CYP2B6: variants seen among roughly 807,000 people sequenced by gnomAD.
CYP2B6 encodes the protein cytochrome P450 2B6.
Under a neutral mutation model 43.4 loss-of-function variants are expected in CYP2B6, and 35 were observed. That is an observed-to-expected ratio of 0.81 (90% CI 0.62 to 1.07). The LOEUF (loss-of-function observed/expected upper bound fraction) is 1.07. CYP2B6 is among the 50% of genes least tolerant of loss of function. CYP2B6 has a pLI of 0.00. For missense variants in CYP2B6, 624 were observed against 632.8 expected (o/e 0.99, Z 0.15); for synonymous variants, 239 against 239.2 (o/e 1.00, Z 0.01).
chr19:40,999,633 A>G (rs775311024), intron 1 of CYP2B6, among the ~76,000 whole-genome samples: 3 of 152,082 alleles, frequency 2.0e-5, no homozygotes, highest in Non-Finnish European at 4.4e-5. Context: ...CTTTGTGGCT[A>G]CCTTATTAGT....
At chr19:40,999,153 A>G (rs960562211) in intron 1 of CYP2B6, among the ~76,000 whole-genome samples, 1 of 151,700 alleles carries the variant, frequency 6.6e-6, no homozygotes, top group African/African-American at 2.4e-5. Context: ...TGTGGTTTTG[A>G]TTTGCATTTC....
At position 40,996,521 on chromosome 19, in the gene CYP2B6, G is replaced by C. The variant is rs187350221; in HGVS notation, c.171+5045G>C. Among the ~76,000 whole-genome samples, 67 of 152,272 alleles carry C rather than the reference G, an allele frequency of 4.4e-4. 1 individual carries two copies. Among genetic ancestry groups the C allele is most frequent in the African/African-American group, 1.6e-3 (65 of 41,526 alleles). On this transcript the variant is annotated intron_variant, in intron 1 of 8. Coordinates refer to ENST00000324071, the MANE Select transcript of CYP2B6 (RefSeq NM_000767.5). ...TAACTCCAGCTTCAAGTGTTCAAAT[G>C]ATCTACCAAGTGCCAGAAATATATC...
At chr19:41,008,857 G>T (rs1285283888) in intron 4 of CYP2B6, among the ~76,000 whole-genome samples, 1 of 152,050 alleles carries the variant, frequency 6.6e-6, no homozygotes, top group Non-Finnish European at 1.5e-5. Flanking sequence ...CACAGCAAGG[G>T]AGATGAGGAG....
chr19:40,993,080 C>T (rs1270709011), intron 1 of CYP2B6, among the ~76,000 whole-genome samples: 1 of 152,066 alleles, frequency 6.6e-6, no homozygotes, highest in Non-Finnish European at 1.5e-5. Context: ...GTATTAGAGT[C>T]CAATTGGTCA....
At chr19:41,006,367 T>G (rs1384211691) in intron 3 of CYP2B6, among the ~76,000 whole-genome samples, 8 of 148,590 alleles carry the variant, frequency 5.4e-5, no homozygotes, top group African/African-American at 1.5e-4. Context: ...TCTCCTTATG[T>G]TGCCCAGGCT....
chr19:40,998,006 G>A (rs1401874142), intron 1 of CYP2B6, among the ~76,000 whole-genome samples: 4 of 152,196 alleles, frequency 2.6e-5, no homozygotes, highest in Admixed American at 2.0e-4. Context: ...GGAGACTGAG[G>A]CAGGAGGATG....
At chr19:41,004,187 AGGGGGCGGGT>A in intron 2 of CYP2B6, 24 bp downstream of exon 2, 1 of 194,134 alleles carries the variant, frequency 5.2e-6, no homozygotes, top group Non-Finnish European at 1.1e-5. Context: ...AGGCACTGGG[AGGGGGCGGGT>A]GGGGGGTGCA....
At chr19:41,006,765 G>A (rs1269873998) in intron 3 of CYP2B6, 140 bp from the exon 4 acceptor site, 4 of 783,358 alleles carry the variant, frequency 5.1e-6, no homozygotes, top group Non-Finnish European at 8.6e-6. Flanking sequence ...CGCGTGACGT[G>A]CTGGTACATA....
Position 41,005,929 on chromosome 19 carries a change from G to A in CYP2B6, c.485-976G>A, listed in dbSNP as rs148510731. The stretch of plus-strand genomic sequence containing the variant: ...GACAAAGCTTAGGAAAAGGTCTGCA[G>A]AGGAATGAGAGAAGACAGGCAAGTG... On this transcript the variant is annotated intron_variant, in intron 3 of 8. Transcript: ENST00000324071. Among the ~76,000 whole-genome samples, 246 of 152,264 alleles carry A rather than the reference G, an allele frequency of 1.6e-3. 2 individuals are homozygous for A. The highest frequency in any genetic ancestry group is 5.6e-3 in the African/African-American group (231 of 41,522).
Position 41,018,378 on chromosome 19 carries a change from A to G in CYP2B6, c.*1551A>G, listed in dbSNP as rs1969403531. 1 of 152,192 alleles carries G rather than the reference A, an allele frequency of 6.6e-6. No individual in the cohort carries two copies. The highest frequency in any genetic ancestry group is 2.4e-5 in the African/African-American group (1 of 41,424). The allele number at this position is 152,192 out of a possible 1,614,324, so 9.4% of individuals were successfully genotyped here. On this transcript the variant is annotated 3_prime_UTR_variant, in exon 9 of 9. Coordinates refer to ENST00000324071, the MANE Select transcript of CYP2B6 (RefSeq NM_000767.5). ...CTGAGAATTAAATAAACATCTCTAA[A>G]GCCTGACCTCCCCACGTCAAGAGGT...
Position 41,004,250 on chromosome 19 carries a change from T to C in CYP2B6, c.335-47T>C, listed in dbSNP as rs534127590. 43 of 1,613,670 alleles carry C rather than the reference T, an allele frequency of 2.7e-5. 1 individual carries two copies. In the South Asian group the frequency reaches 4.6e-4, roughly 17 times the overall value. On this transcript the variant is annotated intron_variant, in intron 2 of 8. Coordinates refer to ENST00000324071, the MANE Select transcript of CYP2B6 (RefSeq NM_000767.5). The stretch of plus-strand genomic sequence containing the variant: ...TGGGAGGAAGAAGGACTCAGAGCCT[T>C]CTTCCAACTTCTTCTACAACCAACC...
chr19:41,007,115 A>G (rs1047509367), intron 4 of CYP2B6, 50 bp downstream of exon 4: 1 of 1,555,288 alleles, frequency 6.4e-7, no homozygotes, highest in African/African-American at 1.4e-5. Flanking sequence ...GTGAACACCC[A>G]GAACACACGA....
chr19:40,997,932 C>T (rs1169782415), intron 1 of CYP2B6, among the ~76,000 whole-genome samples: 1 of 151,926 alleles, frequency 6.6e-6, no homozygotes, highest in African/African-American at 2.4e-5. Flanking sequence ...AGACCTGGCT[C>T]TACAAAAAAG....
chr19:41,007,624 ATTT>A (rs10617307), intron 4 of CYP2B6: 4 of 147,016 alleles, frequency 2.7e-5, no homozygotes, highest in African/African-American at 7.5e-5. Context: ...CACCTGGCTA[ATTT>A]TTTTTTTTTT....
At chr19:40,996,516 C>T (rs538848815) in intron 1 of CYP2B6, among the ~76,000 whole-genome samples, 2 of 152,280 alleles carry the variant, frequency 1.3e-5, no homozygotes, top group East Asian at 3.9e-4. Flanking sequence ...TTCAAGTGTT[C>T]AAATGATCTA....
chr19:41,003,287 CTT>C (rs564106878), intron 1 of CYP2B6, among the ~76,000 whole-genome samples: 201 of 151,410 alleles, frequency 1.3e-3, no homozygotes, highest in African/African-American at 4.7e-3. Context: ...TATGCATACT[CTT>C]TTTTTTTCCT....
intron 6 of CYP2B6, 44 bp from the exon 7 acceptor site, chr19:41,012,254 A>G (rs1471371174): frequency 1.9e-6 from 3 of 1,600,294 alleles, no homozygotes; most frequent in Non-Finnish European, 1.7e-6. Flanking sequence ...CTGGCCTGAA[A>G]TGCCTCTTTA....
At chr19:41,005,507 T>C (rs60766920) in intron 3 of CYP2B6, among the ~76,000 whole-genome samples, 9,087 of 151,442 alleles carry the variant, frequency 0.06, 950 homozygotes, top group African/African-American at 0.21. Flanking sequence ...ATAGGTTGGG[T>C]ATGGGGCTCA....
intron 1 of CYP2B6, among the ~76,000 whole-genome samples, chr19:40,995,128 G>A (rs1490864943): frequency 2.0e-5 from 3 of 152,138 alleles, no homozygotes; most frequent in African/African-American, 7.2e-5. Flanking sequence ...GAAAGGGAAA[G>A]GGTTAGGACA....
Sources: allele counts gnomAD v4.1 joint callset (sites outside exome capture counted in the v4.1 genomes callset), GRCh38; gene constraint gnomAD v4.1.1; transcripts MANE v1.5; gene names NCBI Gene and HGNC (gene_info 2026-07-23, HGNC 2026-07-21).